PLXDC2: variants seen among roughly 807,000 people sequenced by gnomAD.
PLXDC2 encodes the protein plexin domain containing 2.
A neutral mutation model predicts 68.9 loss-of-function variants in PLXDC2; 40 were observed. That is an observed-to-expected ratio of 0.58 (90% CI 0.45 to 0.76). PLXDC2 has a LOEUF of 0.76. PLXDC2 is among the 30% of genes least tolerant of loss of function. The probability of loss-of-function intolerance (pLI) is 0.00; values close to 1 mark genes in which losing one functional copy is unlikely to be tolerated. For missense variants in PLXDC2, 644 were observed against 661.9 expected (o/e 0.97, Z 0.30); for synonymous variants, 243 against 234.2 (o/e 1.04, Z -0.34).
At chr10:20,113,910 A>T (rs1373055646) in intron 4 of PLXDC2, among the ~76,000 whole-genome samples, 1 of 152,092 alleles carries the variant, frequency 6.6e-6, no homozygotes, top group Non-Finnish European at 1.5e-5. Context: ...TGGATCACTG[A>T]AGGTCAGGAG....
At chr10:20,018,401 G>A (rs1835249480) in intron 2 of PLXDC2, among the ~76,000 whole-genome samples, 1 of 152,098 alleles carries the variant, frequency 6.6e-6, no homozygotes, top group Admixed American at 6.6e-5. Flanking sequence ...GCACTATCCA[G>A]ATGAAATACT....
At chr10:20,035,620 C>T (rs192138034) in intron 2 of PLXDC2, among the ~76,000 whole-genome samples, 83 of 152,014 alleles carry the variant, frequency 5.5e-4, no homozygotes, top group African/African-American at 1.4e-3. Flanking sequence ...CGTTTGAACC[C>T]GGGAGGTGGA....
intron 1 of PLXDC2, among the ~76,000 whole-genome samples, chr10:19,979,242 C>T (rs573873858): frequency 3.3e-5 from 5 of 152,244 alleles, no homozygotes; most frequent in South Asian, 2.1e-4. Flanking sequence ...GATACCTCTG[C>T]GTGATACTAA....
intron 5 of PLXDC2, among the ~76,000 whole-genome samples, chr10:20,144,719 C>T (rs1834050196): frequency 6.6e-6 from 1 of 152,118 alleles, no homozygotes; most frequent in South Asian, 2.1e-4. Flanking sequence ...GCAAAATTGC[C>T]TTGGGAGTCT....
intron 1 of PLXDC2, among the ~76,000 whole-genome samples, chr10:19,871,515 A>G (rs1837533440): frequency 6.6e-6 from 1 of 152,096 alleles, no homozygotes; most frequent in Admixed American, 6.5e-5. Flanking sequence ...GATATTTCCC[A>G]TTTAATTGTG....
At chr10:20,187,173 C>G (rs1410361959) in intron 9 of PLXDC2, among the ~76,000 whole-genome samples, 3 of 151,774 alleles carry the variant, frequency 2.0e-5, no homozygotes, top group African/African-American at 7.3e-5. Flanking sequence ...AGTGGCACAG[C>G]CAGCAATAAA....
intron 5 of PLXDC2, among the ~76,000 whole-genome samples, chr10:20,144,041 C>T (rs1323956263): frequency 1.3e-5 from 2 of 151,984 alleles, no homozygotes; most frequent in East Asian, 3.9e-4. Flanking sequence ...GTGCCAAAAT[C>T]CAAGCGAGAA....
At chr10:20,276,352 T>A (rs936691619) in intron 13 of PLXDC2, among the ~76,000 whole-genome samples, 1 of 152,162 alleles carries the variant, frequency 6.6e-6, no homozygotes, top group African/African-American at 2.4e-5. Flanking sequence ...TGTGGATATT[T>A]TAGCTAATTG....
chr10:19,996,093 G>A (rs1040998678), intron 1 of PLXDC2, among the ~76,000 whole-genome samples: 1 of 152,066 alleles, frequency 6.6e-6, no homozygotes, highest in Admixed American at 6.6e-5. Flanking sequence ...AATTTGTAAG[G>A]TGTCTCTGGT....
At chr10:20,279,681 AT>A (rs752378126) in intron 13 of PLXDC2, 21 bp from the exon 14 acceptor site, 1 of 1,601,264 alleles carries the variant, frequency 6.2e-7, no homozygotes, top group South Asian at 1.1e-5. Context: ...CACATTTTTT[AT>A]TTTTGTGTTT....
intron 1 of PLXDC2, among the ~76,000 whole-genome samples, chr10:19,876,706 T>G (rs1376471131): frequency 6.6e-6 from 1 of 151,718 alleles, no homozygotes; most frequent in African/African-American, 2.4e-5. Context: ...TGTCTAGTGA[T>G]AGGAACTCTG....
intron 1 of PLXDC2, among the ~76,000 whole-genome samples, chr10:19,956,090 C>A (rs999630577): frequency 6.6e-6 from 1 of 151,994 alleles, no homozygotes; most frequent in Admixed American, 6.6e-5. Flanking sequence ...AAAAAAAATT[C>A]TCGTAATTTT....
chr10:20,101,759 G>A (rs564313685), intron 4 of PLXDC2, among the ~76,000 whole-genome samples: 1 of 151,180 alleles, frequency 6.6e-6, no homozygotes, highest in Admixed American at 6.6e-5. Context: ...TTCTTCTAGA[G>A]TCTATTAAGT....
chr10:19,893,539 T>G (rs1451760149), intron 1 of PLXDC2, among the ~76,000 whole-genome samples: 1 of 152,164 alleles, frequency 6.6e-6, no homozygotes, highest in Non-Finnish European at 1.5e-5. Flanking sequence ...GGTCATAAAC[T>G]CCACCTGATA....
In PLXDC2 at chr10:20,289,736, G is replaced by A. The variant is rs1470044163; in HGVS notation, c.*9917G>A. 1.3e-5 allele frequency: 2 copies of A among 152,200 alleles called. No homozygotes were observed. Among genetic ancestry groups the A allele is most frequent in the African/African-American group, 4.8e-5 (2 of 41,404 alleles). 9.4% of individuals were successfully genotyped at this position (152,200 alleles called of 1,614,324 possible). A position where few individuals can be genotyped will look rare whatever the true frequency, so the allele number is the denominator to read the frequency against. On this transcript the variant is annotated 3_prime_UTR_variant, in exon 14 of 14. Coordinates refer to ENST00000377252, the MANE Select transcript of PLXDC2 (RefSeq NM_032812.9). ...GGAATTCCTGTCAGTGGCATTCCCT[G>A]AGCACTGGCTCTGTACAACTCAATT...
At chr10:20,054,265 T>C (rs1237983646) in intron 3 of PLXDC2, among the ~76,000 whole-genome samples, 1 of 151,890 alleles carries the variant, frequency 6.6e-6, no homozygotes, top group Non-Finnish European at 1.5e-5. Context: ...TTGATCCGTA[T>C]TGAGGATGGT....
intron 9 of PLXDC2, among the ~76,000 whole-genome samples, chr10:20,190,346 A>G (rs1296235029): frequency 6.6e-6 from 1 of 151,934 alleles, no homozygotes; most frequent in East Asian, 1.9e-4. Context: ...TAATTGTCCA[A>G]AAATGAAGTT....
intron 6 of PLXDC2, among the ~76,000 whole-genome samples, chr10:20,152,945 C>G (rs1018298698): frequency 1.3e-5 from 2 of 152,162 alleles, no homozygotes; most frequent in East Asian, 1.9e-4. Flanking sequence ...AACTTTAATA[C>G]TGTACAGCTA....
chr10:20,219,985 G>A (rs1247820258), intron 12 of PLXDC2, among the ~76,000 whole-genome samples: 2 of 152,116 alleles, frequency 1.3e-5, no homozygotes. Flanking sequence ...AGGTTAAGTA[G>A]CTAGTACTTC....
Sources: gnomAD v4.1 joint callset for allele counts (sites outside exome capture counted in the v4.1 genomes callset) on GRCh38, gnomAD v4.1.1 for gene constraint, MANE v1.5 for transcripts, NCBI Gene and HGNC (gene_info 2026-07-23, HGNC 2026-07-21) for gene names.